Variants in AKAP6 observed in about 807,000 individuals in gnomAD.
The protein encoded by AKAP6 is A-kinase anchor protein 6.
In AKAP6, 58 loss-of-function variants were observed where a neutral mutation model predicts 188.5. The ratio of observed to expected loss-of-function variants is 0.31; its 90% confidence interval spans 0.25 to 0.38. AKAP6 has a LOEUF of 0.38. AKAP6 is among the 10% of genes least tolerant of loss of function. AKAP6 has a pLI of 1.00. For missense variants in AKAP6, 2,710 were observed against 2,740.0 expected (o/e 0.99, Z 0.24); for synonymous variants, 989 against 998.6 (o/e 0.99, Z 0.18).
intron 7 of AKAP6, among the ~76,000 whole-genome samples, chr14:32,663,863 C>G (rs1440754778): frequency 6.6e-6 from 1 of 152,052 alleles, no homozygotes; most frequent in Non-Finnish European, 1.5e-5. Context: ...CATCTAATAC[C>G]TACCATTGTG....
At chr14:32,809,113 C>T (rs981833366) in intron 12 of AKAP6, among the ~76,000 whole-genome samples, 8 of 152,126 alleles carry the variant, frequency 5.3e-5, no homozygotes, top group African/African-American at 9.7e-5. Context: ...GCTCAGTGTA[C>T]GTGGGCTTTG....
intron 1 of AKAP6, among the ~76,000 whole-genome samples, chr14:32,422,010 A>T (rs1889866150): frequency 6.6e-6 from 1 of 152,170 alleles, no homozygotes; most frequent in Admixed American, 6.5e-5. Context: ...CCTGTGATTC[A>T]TTCTTTCTAG....
chr14:32,719,577 A>T (rs1428545954), intron 9 of AKAP6, among the ~76,000 whole-genome samples: 1 of 152,182 alleles, frequency 6.6e-6, no homozygotes, highest in Non-Finnish European at 1.5e-5. Flanking sequence ...AGAAATATAT[A>T]GTTTCTTCCT....
At chr14:32,423,326 C>T (rs1889914432) in intron 1 of AKAP6, among the ~76,000 whole-genome samples, 1 of 152,032 alleles carries the variant, frequency 6.6e-6, no homozygotes, top group South Asian at 2.1e-4. Flanking sequence ...CATGCCACCA[C>T]GCCTGGCTAA....
intron 4 of AKAP6, among the ~76,000 whole-genome samples, chr14:32,565,347 C>T (rs114672901): frequency 0.011 from 1,722 of 152,264 alleles, 28 homozygotes; most frequent in African/African-American, 0.039. Flanking sequence ...TTTTGTATTT[C>T]CTCTTTCAGG....
intron 2 of AKAP6, among the ~76,000 whole-genome samples, chr14:32,483,573 C>G (rs1879483113): frequency 6.6e-6 from 1 of 152,116 alleles, no homozygotes; most frequent in African/African-American, 2.4e-5. Flanking sequence ...CAACCTCCGC[C>G]TCCCCGGTTC....
At chr14:32,632,349 T>A (rs1887310600) in intron 7 of AKAP6, among the ~76,000 whole-genome samples, 1 of 152,106 alleles carries the variant, frequency 6.6e-6, no homozygotes, top group Admixed American at 6.6e-5. Flanking sequence ...ATTCTATGAA[T>A]GTTTATTAAG....
intron 4 of AKAP6, among the ~76,000 whole-genome samples, chr14:32,574,519 A>G (rs1033587516): frequency 2.6e-5 from 4 of 152,190 alleles, no homozygotes; most frequent in East Asian, 1.9e-4. Context: ...TGAAGCAACC[A>G]TGCACTGACA....
intron 8 of AKAP6, 32 bp from the exon 9 acceptor site, chr14:32,695,958 T>G (rs748272028): frequency 3.1e-6 from 5 of 1,604,632 alleles, no homozygotes; most frequent in Non-Finnish European, 2.6e-6. Flanking sequence ...ACACTGTATT[T>G]ATGCATACTA....
chr14:32,419,668 C>T (rs1325802993), intron 1 of AKAP6, among the ~76,000 whole-genome samples: 1 of 152,028 alleles, frequency 6.6e-6, no homozygotes, highest in African/African-American at 2.4e-5. Context: ...GGTTTTCATC[C>T]TGAGATCAGG....
chr14:32,472,756 A>G (rs998727046), intron 2 of AKAP6, among the ~76,000 whole-genome samples: 69 of 152,170 alleles, frequency 4.5e-4, no homozygotes, highest in African/African-American at 1.6e-3. Flanking sequence ...TTGCAATTCT[A>G]TGTTGAAGAA....
At chr14:32,582,437 T>G (rs1407287464) in intron 5 of AKAP6, among the ~76,000 whole-genome samples, 1 of 151,958 alleles carries the variant, frequency 6.6e-6, no homozygotes, top group Non-Finnish European at 1.5e-5. Flanking sequence ...ATTTTTTCCT[T>G]CATTTCAACT....
chr14:32,350,079 T>A (rs1413381907), intron 1 of AKAP6, among the ~76,000 whole-genome samples: 2 of 152,180 alleles, frequency 1.3e-5, no homozygotes, highest in Non-Finnish European at 2.9e-5. Flanking sequence ...TTCCAAATAA[T>A]ATGTGTAAAT....
chr14:32,629,487 G>A (rs1887165614), intron 7 of AKAP6, among the ~76,000 whole-genome samples: 2 of 134,882 alleles, frequency 1.5e-5, no homozygotes, highest in South Asian at 4.6e-4. Flanking sequence ...CAATGTGAAA[G>A]CCATTTGAGT....
In AKAP6 at chr14:32,783,498, A is replaced by T. The variant is rs907682841; in HGVS notation, c.3588+9605A>T. On this transcript the variant is annotated intron_variant, in intron 12 of 13. Coordinates refer to ENST00000280979, the MANE Select transcript of AKAP6 (RefSeq NM_004274.5). ...AAATTATACCTCAATAAAGCTGTTT[A>T]AAAAAAACACATATTCAGAATTTTA... Among the ~76,000 whole-genome samples, 85 of 152,054 alleles carry T rather than the reference A, an allele frequency of 5.6e-4. 1 individual carries two copies. The highest frequency in any genetic ancestry group is 2.0e-3 in the African/African-American group (85 of 41,498).
intron 12 of AKAP6, among the ~76,000 whole-genome samples, chr14:32,807,263 C>A (rs1244989565): frequency 1.4e-5 from 2 of 147,356 alleles, no homozygotes; most frequent in Non-Finnish European, 3.0e-5. Context: ...GAGCTCAAGG[C>A]TGTAGTAAAC....
intron 11 of AKAP6, among the ~76,000 whole-genome samples, chr14:32,744,614 G>C (rs2031819070): frequency 6.6e-6 from 1 of 152,112 alleles, no homozygotes; most frequent in Non-Finnish European, 1.5e-5. Context: ...ACTGCACCCG[G>C]TCCTTGGTAT....
intron 7 of AKAP6, among the ~76,000 whole-genome samples, chr14:32,613,020 G>A (rs760948368): frequency 1.3e-5 from 2 of 152,196 alleles, no homozygotes; most frequent in Non-Finnish European, 2.9e-5. Context: ...TGCAATTTGT[G>A]TACATACACA....
At chr14:32,710,848 A>G (rs1196629192) in intron 9 of AKAP6, among the ~76,000 whole-genome samples, 1 of 152,098 alleles carries the variant, frequency 6.6e-6, no homozygotes, top group South Asian at 2.1e-4. Flanking sequence ...GCTGACAACT[A>G]TGACCTGCAG....
Sources: allele counts gnomAD v4.1 joint callset (sites outside exome capture counted in the v4.1 genomes callset), GRCh38; gene constraint gnomAD v4.1.1; transcripts MANE v1.5; gene names NCBI Gene and HGNC (gene_info 2026-07-23, HGNC 2026-07-21).